Variants in TC2N observed in about 807,000 individuals in gnomAD.
TC2N encodes tandem C2 domains nuclear protein.
Under a neutral mutation model 61.9 loss-of-function variants are expected in TC2N, and 51 were observed. The ratio of observed to expected loss-of-function variants is 0.82; its 90% CI spans 0.66 to 1.04. The LOEUF (loss-of-function observed/expected upper bound fraction) is 1.04. Ranked by LOEUF, TC2N falls within the 50% of genes least tolerant of loss-of-function variation. The pLI, the probability that TC2N is intolerant of heterozygous loss-of-function variation, is 0.00. For missense variants in TC2N, 556 were observed against 566.7 expected (o/e 0.98, Z 0.19); for synonymous variants, 204 against 192.6 (o/e 1.06, Z -0.49).
intron 10 of TC2N, 79 bp downstream of exon 10, chr14:91,787,434 A>C: frequency 1.3e-6 from 1 of 753,276 alleles, no homozygotes; most frequent in Non-Finnish European, 2.1e-6. Flanking sequence ...TTTAATCTCC[A>C]TTGTAAGAAA....
At chr14:91,862,104 G>A (rs1159019503) in intron 1 of TC2N, among the ~76,000 whole-genome samples, 1 of 151,854 alleles carries the variant, frequency 6.6e-6, no homozygotes, top group Non-Finnish European at 1.5e-5. Context: ...TTGGGAGGCT[G>A]AGGCGGGCAG....
chr14:91,849,480 T>G (rs1284327380), intron 1 of TC2N, among the ~76,000 whole-genome samples: 3 of 152,228 alleles, frequency 2.0e-5, no homozygotes, highest in African/African-American at 7.2e-5. Context: ...ATTTCTTGGT[T>G]GCATTCTTGG....
At chr14:91,797,662 T>C in intron 8 of TC2N, 123 bp downstream of exon 8, 1 of 659,208 alleles carries the variant, frequency 1.5e-6, no homozygotes, top group South Asian at 1.9e-5. Flanking sequence ...AAAGCAATAA[T>C]ACATAGTTGT....
chr14:91,789,616 C>CA (rs1281255664), intron 9 of TC2N, among the ~76,000 whole-genome samples: 56 of 140,604 alleles, frequency 4.0e-4, no homozygotes, highest in African/African-American at 1.2e-3. Context: ...ATCTCAAAAA[C>CA]AAAAAACAAA....
chr14:91,849,271 C>T (rs146551920), intron 1 of TC2N, among the ~76,000 whole-genome samples: 3 of 151,938 alleles, frequency 2.0e-5, no homozygotes, highest in East Asian at 3.9e-4. Context: ...TAACCCAAGG[C>T]GGTCAATCAA....
chr14:91,850,988 C>G (rs181199091), intron 1 of TC2N, among the ~76,000 whole-genome samples: 2 of 152,168 alleles, frequency 1.3e-5, no homozygotes, highest in African/African-American at 4.8e-5. Context: ...TCTCACCACC[C>G]TCAGGTGGGA....
intron 1 of TC2N, among the ~76,000 whole-genome samples, chr14:91,821,775 G>A (rs1887265422): frequency 6.6e-6 from 1 of 151,842 alleles, no homozygotes; most frequent in South Asian, 2.1e-4. Flanking sequence ...ATTATATCCA[G>A]CATATATAAA....
At chr14:91,809,372 C>A (rs1886664465) in intron 3 of TC2N, among the ~76,000 whole-genome samples, 1 of 152,250 alleles carries the variant, frequency 6.6e-6, no homozygotes, top group South Asian at 2.1e-4. Flanking sequence ...CATGCCACTG[C>A]ACTCCAGCCT....
Position 91,785,316 on chromosome 14 carries a change from T to C in TC2N, c.1208A>G (p.Tyr403Cys). The C allele has an allele frequency of 1.2e-6, 2 of 1,613,840 alleles. No homozygotes were observed. Among genetic ancestry groups the C allele is most frequent in the Non-Finnish European group, 8.5e-7 (1 of 1,179,866 alleles). ...VGMFSSGELI[Y>C]KKKTRLLKAS... ...CTTCAGTAAGCGTGTCTTTTTCTTA[T>C]AAATCAACTCTCCCGAGCTAAACAT... Residue 403 changes from tyrosine to cysteine, a missense_variant, in exon 11 of 12, where the codon TAT becomes TGT. Coordinates refer to ENST00000435962, the MANE Select transcript of TC2N (RefSeq NM_001128596.3).
chr14:91,853,072 AAAAC>A (rs924963006), intron 1 of TC2N, among the ~76,000 whole-genome samples: 22 of 152,314 alleles, frequency 1.4e-4, no homozygotes, highest in Admixed American at 3.3e-4. Context: ...CTCCATCTAA[AAAAC>A]AAACAAACAA....
rs1886296130 is a variant in TC2N, at chr14:91,802,338, G to C, written c.385C>G (p.Pro129Ala). ...GAAATGTGCTGATACATATAGAATG[G>C]GTTATACACATCATAGCTAGGTCCG... ...QHGPSYDVYN[P>A]FYMYQHISPD... The change falls in exon 4 of 12, where the codon CCA (proline) becomes GCA (alanine). Residue 129 changes from proline to alanine, a missense_variant. Physicochemically the swap from Pro to Ala is conservative, Grantham distance 27. Coordinates refer to ENST00000435962, the MANE Select transcript of TC2N (RefSeq NM_001128596.3). 6.2e-7 allele frequency: 1 copy of C among 1,611,892 alleles called. No individual in the cohort carries two copies.
At chr14:91,788,693 C>T (rs1290084477) in intron 9 of TC2N, among the ~76,000 whole-genome samples, 1 of 152,082 alleles carries the variant, frequency 6.6e-6, no homozygotes, top group Non-Finnish European at 1.5e-5. Context: ...TTGACAGAAG[C>T]TTGGTGTTTT....
At chr14:91,816,056 C>A (rs1265114467) in intron 1 of TC2N, among the ~76,000 whole-genome samples, 1 of 151,702 alleles carries the variant, frequency 6.6e-6, no homozygotes, top group Non-Finnish European at 1.5e-5. Context: ...ATTGTTTCAT[C>A]TTTTGTTATT....
intron 1 of TC2N, among the ~76,000 whole-genome samples, chr14:91,857,686 C>G (rs1055636033): frequency 7.2e-5 from 11 of 152,184 alleles, no homozygotes; most frequent in African/African-American, 2.7e-4. Context: ...CAGGTCTATT[C>G]AACTCCAATC....
intron 1 of TC2N, among the ~76,000 whole-genome samples, chr14:91,822,314 T>C (rs1566779281): frequency 6.6e-6 from 1 of 152,062 alleles, no homozygotes; most frequent in South Asian, 2.1e-4. Context: ...TACTCAGAAA[T>C]AAAGAAGTAA....
chr14:91,789,428 C>G (rs1369231806), intron 9 of TC2N, among the ~76,000 whole-genome samples: 3 of 144,624 alleles, frequency 2.1e-5, no homozygotes, highest in Non-Finnish European at 4.5e-5. Context: ...CCTGTCTCTA[C>G]TAAAAAAAAA....
Position 91,800,321 on chromosome 14 carries a change from G to C in TC2N, c.521C>G (p.Ser174Cys). 6.2e-7 allele frequency: 1 copy of C among 1,605,274 alleles called. No homozygotes were observed. Among genetic ancestry groups the C allele is most frequent in the Non-Finnish European group, 8.5e-7 (1 of 1,175,284 alleles). The change falls in exon 5 of 12, where the codon TCT (serine) becomes TGT (cysteine). Residue 174 changes from serine to cysteine, a missense_variant. By Grantham distance (112) the Ser-to-Cys change is moderately radical. Coordinates refer to ENST00000435962, the MANE Select transcript of TC2N (RefSeq NM_001128596.3). Reference protein sequence around the residue: ...KLPGSPGLSKSMFDLTNSSQR... With the variant: ...KLPGSPGLSKCMFDLTNSSQR... Reference sequence around the variant, plus strand: ...AGATGAGTTTGTAAGATCAAACATAGATTTGCTTAGCCCAGGGGAACCGGG... The same window carrying C: ...AGATGAGTTTGTAAGATCAAACATACATTTGCTTAGCCCAGGGGAACCGGG...
rs754504482 is a variant in TC2N, at chr14:91,785,330, C to A, written c.1194G>T (p.Ser398=). Residue 398 remains serine (S), a synonymous_variant, in exon 11 of 12, where the codon TCG becomes TCT. Coordinates refer to ENST00000435962, the MANE Select transcript of TC2N (RefSeq NM_001128596.3). The part of the protein sequence containing the change: ...SFFVKVGMFS[S]GELIYKKKTR... ...TCTTTTTCTTATAAATCAACTCTCC[C>A]GAGCTAAACATTCCCACCTTCACGA... is the stretch of plus-strand genomic sequence containing the variant. The A allele has an allele frequency of 6.2e-7, 1 of 1,613,468 alleles. No homozygotes were observed. The highest frequency in any genetic ancestry group is 8.5e-7 in the Non-Finnish European group (1 of 1,179,758).
intron 1 of TC2N, among the ~76,000 whole-genome samples, chr14:91,865,801 A>G (rs1595283557): frequency 6.6e-6 from 1 of 152,114 alleles, no homozygotes; most frequent in African/African-American, 2.4e-5. Context: ...AATTTTGTGG[A>G]CCCTGCTACT....
Sources: gnomAD v4.1 joint callset for allele counts (sites outside exome capture counted in the v4.1 genomes callset) on GRCh38, gnomAD v4.1.1 for gene constraint, MANE v1.5 for transcripts, NCBI Gene and HGNC (gene_info 2026-07-23, HGNC 2026-07-21) for gene names.